The following MAP4K3 variants were observed in gnomAD, a reference collection of about 807,000 sequenced individuals.
The protein encoded by MAP4K3 is MAPK/ERK kinase kinase kinase 3.
MAP4K3 carries 94 observed loss-of-function variants against 143.5 expected under a neutral mutation model. The ratio of observed to expected loss-of-function variants is 0.65; its 90% CI spans 0.55 to 0.78. The LOEUF (loss-of-function observed/expected upper bound fraction) is 0.78, where lower values mean the gene tolerates loss of function less well. Among genes scored for constraint, MAP4K3 ranks in the 30% least tolerant of loss-of-function variants. MAP4K3 has a pLI of 0.00. For synonymous variants in MAP4K3, 416 were observed against 347.2 expected (o/e 1.20, Z -2.20); for missense variants, 1,077 against 1,068.1 (o/e 1.01, Z -0.12).
chr2:39,302,231 A>G (rs1476201839), intron 15 of MAP4K3, among the ~76,000 whole-genome samples: 1 of 152,220 alleles, frequency 6.6e-6, no homozygotes, highest in Non-Finnish European at 1.5e-5. Context: ...TCATGTCCCA[A>G]GTCTTACCAG....
intron 19 of MAP4K3, among the ~76,000 whole-genome samples, chr2:39,289,210 G>C (rs1681927652): frequency 1.3e-5 from 2 of 152,172 alleles, no homozygotes; most frequent in Non-Finnish European, 2.9e-5. Flanking sequence ...TTATTGCTCA[G>C]CACTTATTTC....
At chr2:39,376,608 A>T (rs1412624753) in intron 2 of MAP4K3, among the ~76,000 whole-genome samples, 1 of 152,206 alleles carries the variant, frequency 6.6e-6, no homozygotes, top group Non-Finnish European at 1.5e-5. Context: ...AAATTTGATT[A>T]AAACTTAGAA....
chr2:39,277,349 C>G (rs1681307007), intron 24 of MAP4K3, among the ~76,000 whole-genome samples: 1 of 152,196 alleles, frequency 6.6e-6, no homozygotes, highest in Non-Finnish European at 1.5e-5. Context: ...AATTTAAGGT[C>G]CATCTCAAAT....
chr2:39,348,321 T>C (rs1415875350), intron 3 of MAP4K3, among the ~76,000 whole-genome samples: 2 of 152,110 alleles, frequency 1.3e-5, no homozygotes, highest in Non-Finnish European at 2.9e-5. Context: ...CTATGTAAAA[T>C]GACTTTCCAG....
chr2:39,281,325 T>G (rs1408234435), intron 22 of MAP4K3, among the ~76,000 whole-genome samples: 1 of 152,164 alleles, frequency 6.6e-6, no homozygotes, highest in Non-Finnish European at 1.5e-5. Context: ...ACATGGACCT[T>G]AAAATTTCCC....
rs150345135 is a variant in MAP4K3 at position 39,418,501 on chromosome 2, T to C, written c.96+18391A>G. 3.1e-3 allele frequency among the ~76,000 whole-genome samples: 469 copies of C among 152,278 alleles called. 3 individuals carry two copies. Among genetic ancestry groups the C allele is most frequent in the African/African-American group, 0.011 (450 of 41,564 alleles). On this transcript the variant is annotated intron_variant, in intron 1 of 33. Transcript: ENST00000263881. The stretch of plus-strand genomic sequence containing the variant: ...ACTTCTTACCTCTTGAGTGTGGCGC[T>C]GTGTTTAGTGACTTGCTTCCAAACA...
rs150104858 is a variant in MAP4K3 at position 39,311,797 on chromosome 2, C to T, written c.998-2278G>A. 8.5e-5 allele frequency among the ~76,000 whole-genome samples: 13 copies of T among 152,340 alleles called. No individual in the cohort carries two copies. The East Asian group carries it at 2.3e-3, about 27-fold the overall frequency. The stretch of plus-strand genomic sequence containing the variant: ...GAGACCTTGAGCCAGAATCACTCAG[C>T]TAACCTGTCCTGGATTCCTGACTCT... On this transcript the variant is annotated intron_variant, in intron 13 of 33. Coordinates refer to ENST00000263881, the MANE Select transcript of MAP4K3 (RefSeq NM_003618.4).
chr2:39,324,701 T>C (rs1170830887), intron 12 of MAP4K3, among the ~76,000 whole-genome samples: 1 of 152,154 alleles, frequency 6.6e-6, no homozygotes, highest in African/African-American at 2.4e-5. Flanking sequence ...TTAAAGCCTA[T>C]CCACTTCTGT....
intron 22 of MAP4K3, among the ~76,000 whole-genome samples, chr2:39,281,977 T>C (rs948416010): frequency 1.3e-5 from 2 of 152,042 alleles, no homozygotes; most frequent in African/African-American, 2.4e-5. Context: ...ACACATCACC[T>C]GAGGTCAGAA....
In MAP4K3 at chr2:39,391,358, C is replaced by CAAAAAA. The variant is rs755777714; in HGVS notation, c.97-13241_97-13236dup. Among the ~76,000 whole-genome samples the CAAAAAA allele has an allele frequency of 2.6e-3, 118 of 45,312 alleles. 2 individuals are homozygous for CAAAAAA. The highest frequency in any genetic ancestry group is 6.0e-3 in the South Asian group (3 of 504). 29.7% of individuals were successfully genotyped at this position (45,312 alleles called of 152,430 possible). A position where few individuals can be genotyped will look rare whatever the true frequency, so the allele number is the denominator to read the frequency against. ...TGAGCGACAGAGCAAGACTCCATCT[C>CAAAAAA]AAAAAAAAAAAAAAAAAAAAAAAGA... On this transcript the variant is annotated intron_variant, in intron 1 of 33. Coordinates refer to ENST00000263881, the MANE Select transcript of MAP4K3 (RefSeq NM_003618.4).
chr2:39,418,684 A>T (rs1321111467), intron 1 of MAP4K3, among the ~76,000 whole-genome samples: 3 of 152,184 alleles, frequency 2.0e-5, no homozygotes, highest in African/African-American at 4.8e-5. Context: ...AACAGCATAC[A>T]TACTTCATTC....
rs1455419589 is a variant in MAP4K3 at position 39,250,179 on chromosome 2, T to C, written c.*439A>G. The C allele has an allele frequency of 6.5e-6, 1 of 153,266 alleles. No individual in the cohort carries two copies. The highest frequency in any genetic ancestry group is 6.5e-5 in the Admixed American group (1 of 15,312). The allele number at this position is 153,266 out of a possible 1,614,324, so 9.5% of individuals were successfully genotyped here. On this transcript the variant is annotated 3_prime_UTR_variant, in exon 34 of 34. Coordinates refer to ENST00000263881, the MANE Select transcript of MAP4K3 (RefSeq NM_003618.4). ...AAATACAATAGTGTTAAATGTATTG[T>C]TTCATTGCCAGCATCCCATTTTGTA...
intron 18 of MAP4K3, among the ~76,000 whole-genome samples, chr2:39,292,460 C>G (rs1445943462): frequency 1.3e-5 from 2 of 152,156 alleles, no homozygotes; most frequent in Non-Finnish European, 2.9e-5. Flanking sequence ...GGAAAGGCCA[C>G]GTGAAGACAT....
At chr2:39,422,204 C>T (rs564472968) in intron 1 of MAP4K3, among the ~76,000 whole-genome samples, 1 of 151,984 alleles carries the variant, frequency 6.6e-6, no homozygotes, top group South Asian at 2.1e-4. Flanking sequence ...AAAGAGACCA[C>T]AGACAATGTC....
chr2:39,356,065 G>A (rs1665602808), intron 3 of MAP4K3, 184 bp downstream of exon 3: 1 of 481,314 alleles, frequency 2.1e-6, no homozygotes. Context: ...CAAGTCATAC[G>A]ACTGCAATAT....
chr2:39,357,435 C>G (rs1243536214), intron 2 of MAP4K3, among the ~76,000 whole-genome samples: 1 of 152,164 alleles, frequency 6.6e-6, no homozygotes, highest in Admixed American at 6.5e-5. Context: ...GTGGTAAGCC[C>G]TGACATTTCT....
chr2:39,322,900 C>T (rs1370870110), intron 12 of MAP4K3, among the ~76,000 whole-genome samples: 1 of 152,016 alleles, frequency 6.6e-6, no homozygotes, highest in Non-Finnish European at 1.5e-5. Flanking sequence ...AAACTCCTGA[C>T]CTCAGGTGAT....
chr2:39,436,776 C>T (rs757125992), intron 1 of MAP4K3, 116 bp downstream of exon 1: 399 of 851,172 alleles, frequency 4.7e-4, no homozygotes, highest in Non-Finnish European at 6.5e-4. Context: ...CTCCTCCTCC[C>T]CGACTGCTCC....
intron 1 of MAP4K3, among the ~76,000 whole-genome samples, chr2:39,415,771 G>C (rs1162571137): frequency 6.6e-6 from 1 of 150,606 alleles, no homozygotes; most frequent in Admixed American, 6.6e-5. Context: ...GGCCAACGTG[G>C]TGAAACCCCA....
Sources: allele counts gnomAD v4.1 joint callset (sites outside exome capture counted in the v4.1 genomes callset), GRCh38; gene constraint gnomAD v4.1.1; transcripts MANE v1.5; gene names NCBI Gene and HGNC (gene_info 2026-07-23, HGNC 2026-07-21).